The following LAT2 variants were observed in gnomAD, a reference collection of about 807,000 sequenced individuals.
LAT2 encodes the protein linker for activation of T-cells family member 2.
LAT2 carries 23 observed loss-of-function variants against 43.4 expected under a neutral mutation model. That is an observed-to-expected ratio of 0.53 (90% confidence interval 0.38 to 0.75). The LOEUF (loss-of-function observed/expected upper bound fraction) is 0.75. LAT2 is among the 30% of genes least tolerant of loss of function. The pLI is 0.00. For missense variants in LAT2, 284 were observed against 310.2 expected, an observed-to-expected ratio of 0.92 and a Z score of 0.64; for synonymous variants, 128 against 123.2, an observed-to-expected ratio of 1.04 and a Z score of -0.26.
intron 1 of LAT2, among the ~76,000 whole-genome samples, chr7:74,214,266 GAA>G (rs1422246905): frequency 1.9e-5 from 1 of 52,256 alleles, no homozygotes; most frequent in African/African-American, 8.4e-5. Flanking sequence ...ATATATATAT[GAA>G]AATATATATA....
intron 13 of LAT2, among the ~76,000 whole-genome samples, chr7:74,226,871 C>CA (rs1388675042): frequency 6.6e-6 from 1 of 151,958 alleles, no homozygotes; most frequent in Admixed American, 6.6e-5. Context: ...GAGGGGACAA[C>CA]AGAGGCCCCA....
intron 1 of LAT2, among the ~76,000 whole-genome samples, chr7:74,213,624 C>T (rs1801815345): frequency 1.3e-5 from 2 of 151,940 alleles, no homozygotes; most frequent in South Asian, 2.1e-4. Context: ...GGGGTTTCAC[C>T]ATGTTGGTCA....
In LAT2 at chr7:74,219,955, T is replaced by C. The variant is rs781945877; in HGVS notation, c.179-5T>C. 7 of 1,613,558 alleles carry C rather than the reference T, an allele frequency of 4.3e-6. No homozygotes were observed. The highest frequency in any genetic ancestry group is 5.9e-6 in the Non-Finnish European group (7 of 1,179,986). On this transcript the variant is annotated splice_region_variant and splice_polypyrimidine_tract_variant and intron_variant, in intron 5 of 13. Transcript: ENST00000460943. ...AGCCAACACCCCACTTCTTGCCCTT[T>C]GTAGTGGTCGGGCAGGCATGGCCAG...
Position 74,214,886 on chromosome 7 carries a change from C to T in LAT2, c.-154C>T, listed in dbSNP as rs1189651313. On this transcript the variant is annotated 5_prime_UTR_variant, in exon 2 of 14. Coordinates refer to ENST00000460943, the MANE Select transcript of LAT2 (RefSeq NM_032464.3). ...TCTTGATCTCAAGCGATCCTCCCTG[C>T]CTCGGCCTCCCAACGTGCTGGGATT... 22 of 143,316 alleles carry T rather than the reference C, an allele frequency of 1.5e-4. No individual in the cohort carries two copies. The highest frequency in any genetic ancestry group is 2.5e-4 in the Non-Finnish European group (17 of 66,914). The allele number at this position is 143,316 out of a possible 1,614,324, so 8.9% of individuals were successfully genotyped here.
intron 1 of LAT2, among the ~76,000 whole-genome samples, chr7:74,214,112 G>GAAAATATATATATAAATATATATAT (rs1801849458): frequency 2.4e-5 from 2 of 84,706 alleles, no homozygotes; most frequent in African/African-American, 1.1e-4. Flanking sequence ...ATATATATAT[G>GAAAATATATATATAAATATATATAT]AAAATATATA....
At chr7:74,227,534 G>A (rs1016851988) in intron 13 of LAT2, among the ~76,000 whole-genome samples, 11 of 152,058 alleles carry the variant, frequency 7.2e-5, no homozygotes, top group Admixed American at 1.3e-4. Context: ...GGAAGGTTTT[G>A]TACAAAGACT....
chr7:74,220,428 GA>G lies in LAT2; in HGVS notation c.266-155del. ...GCTCCTGGAATCGGCCTGGCAGGGG[GA>G]GGGTGCACACTCGCACATGCCCCAC... On this transcript the variant is annotated intron_variant, in intron 7 of 13. Coordinates refer to ENST00000460943, the MANE Select transcript of LAT2 (RefSeq NM_032464.3). The surrounding 1 kb of genome is among the most constrained non-coding windows in gnomAD (Gnocchi z 4.5). 1 of 1,216,496 alleles carries G rather than the reference GA, an allele frequency of 8.2e-7. No individual in the cohort carries two copies. Among genetic ancestry groups the G allele is most frequent in the Non-Finnish European group, 1.2e-6 (1 of 845,294 alleles). The allele number at this position is 1,216,496 out of a possible 1,614,324, so 75.4% of individuals were successfully genotyped here.
chr7:74,212,488 GC>G, intron 1 of LAT2, among the ~76,000 whole-genome samples: 1 of 151,970 alleles, frequency 6.6e-6, no homozygotes, highest in East Asian at 1.9e-4. Flanking sequence ...CACCATGTTG[GC>G]CAAGCTGGTC....
At position 74,223,782 on chromosome 7, in the gene LAT2, A is replaced by G. The variant is rs1802381508; in HGVS notation, c.447A>G (p.Thr149=). 6.2e-7 allele frequency: 1 copy of G among 1,613,706 alleles called. No homozygotes were observed. Among genetic ancestry groups the G allele is most frequent in the Non-Finnish European group, 8.5e-7 (1 of 1,179,916 alleles). The change falls in exon 11 of 14, where the codon ACA becomes ACG. Residue 149 remains threonine, a splice_region_variant and synonymous_variant. Transcript: ENST00000460943. ...TTTGCAAGCAGAAAACCACAGAGAC[A>G]GGTGAGGCTGCCCAGCCAGAGGCAG... ...VLICKQKTTE[T]GAQQEGIGGL...
chr7:74,222,230 C>CAAAAAAAAA (rs113312443), intron 10 of LAT2, among the ~76,000 whole-genome samples: 27 of 65,396 alleles, frequency 4.1e-4, no homozygotes, highest in East Asian at 1.5e-3. Context: ...TACAAAAATA[C>CAAAAAAAAA]AAAAAAAAAA....
intron 4 of LAT2, among the ~76,000 whole-genome samples, chr7:74,218,628 C>A (rs895836661): frequency 2.6e-5 from 4 of 152,194 alleles, no homozygotes; most frequent in African/African-American, 9.7e-5. Flanking sequence ...TGGCTTGAAT[C>A]TCATAGACCA....
chr7:74,220,684 A>G lies in LAT2; in HGVS notation c.302-20A>G. The stretch of plus-strand genomic sequence containing the variant: ...GGCCACACCCAGGGGCTCAGGCCCA[A>G]TTCTCGCCTCCTCCCGCAGGAAGCA... On this transcript the variant is annotated intron_variant, in intron 8 of 13. Transcript: ENST00000460943. The surrounding 1 kb of genome is among the most constrained non-coding windows in gnomAD (Gnocchi z 4.5). The G allele has an allele frequency of 6.2e-7, 1 of 1,611,560 alleles. No individual in the cohort carries two copies. The highest frequency in any genetic ancestry group is 8.5e-7 in the Non-Finnish European group (1 of 1,178,032).
In LAT2 at chr7:74,220,802, C is replaced by A; in HGVS notation, c.332+68C>A. 3.0e-6 allele frequency: 4 copies of A among 1,355,180 alleles called. No individual in the cohort carries two copies. Among genetic ancestry groups the A allele is most frequent in the Admixed American group, 2.4e-5 (1 of 42,184 alleles). 83.9% of individuals were successfully genotyped at this position (1,355,180 alleles called of 1,614,324 possible). On this transcript the variant is annotated intron_variant, in intron 9 of 13. Coordinates refer to ENST00000460943, the MANE Select transcript of LAT2 (RefSeq NM_032464.3). The surrounding 1 kb of genome is among the most constrained non-coding windows in gnomAD (Gnocchi z 4.5). ...CTGCCCCACCTCTCCCCCTGCCCCACCTCTCCCCCTGCCCCACCTGCCTGC... is the reference window on the plus strand; with the variant it reads ...CTGCCCCACCTCTCCCCCTGCCCCAACTCTCCCCCTGCCCCACCTGCCTGC...
At chr7:74,217,943 G>A (rs1356748442) in intron 4 of LAT2, among the ~76,000 whole-genome samples, 1 of 152,142 alleles carries the variant, frequency 6.6e-6, no homozygotes, top group Non-Finnish European at 1.5e-5. Flanking sequence ...GTGGGCCAGG[G>A]TTAGACCTTT....
chr7:74,212,734 G>A (rs1412635382), intron 1 of LAT2, among the ~76,000 whole-genome samples: 1 of 152,216 alleles, frequency 6.6e-6, no homozygotes, highest in Non-Finnish European at 1.5e-5. Context: ...CCGGGTTGGG[G>A]GCACTGAGGC....
chr7:74,224,775 C>A lies in LAT2; in HGVS notation c.*18+15C>A. On this transcript the variant is annotated intron_variant, in intron 13 of 13. Coordinates refer to ENST00000460943, the MANE Select transcript of LAT2 (RefSeq NM_032464.3). ...CAAGAAGAAAGGTACAGCCCCTGCTCTCCAGCTGCCGTGGGCCAAGGATTG... is the reference window on the plus strand; with the variant it reads ...CAAGAAGAAAGGTACAGCCCCTGCTATCCAGCTGCCGTGGGCCAAGGATTG... 6.7e-7 allele frequency: 1 copy of A among 1,498,020 alleles called. No homozygotes were observed. Among genetic ancestry groups the A allele is most frequent in the Non-Finnish European group, 9.0e-7 (1 of 1,111,400 alleles). 92.8% of individuals were successfully genotyped at this position (1,498,020 alleles called of 1,614,324 possible).
At position 74,220,676 on chromosome 7, in the gene LAT2, C is replaced by G; in HGVS notation, c.302-28C>G. The stretch of plus-strand genomic sequence containing the variant: ...ATGGTGGGGGCCACACCCAGGGGCT[C>G]AGGCCCAATTCTCGCCTCCTCCCGC... On this transcript the variant is annotated intron_variant, in intron 8 of 13. Coordinates refer to ENST00000460943, the MANE Select transcript of LAT2 (RefSeq NM_032464.3). The surrounding 1 kb of genome is among the most constrained non-coding windows in gnomAD (Gnocchi z 4.5). 6.2e-7 allele frequency: 1 copy of G among 1,613,040 alleles called. No individual in the cohort carries two copies. The highest frequency in any genetic ancestry group is 1.7e-4 in the Middle Eastern group (1 of 6,052).
intron 1 of LAT2, among the ~76,000 whole-genome samples, chr7:74,210,703 T>C (rs1365873709): frequency 1.3e-5 from 2 of 152,026 alleles, no homozygotes; most frequent in Non-Finnish European, 2.9e-5. Flanking sequence ...ATCCCAGCAT[T>C]TGGGGAGGCC....
chr7:74,214,748 A>AATAT (rs538452311), intron 1 of LAT2, 74 bp from the exon 2 acceptor site: 1 of 81,358 alleles, frequency 1.2e-5, no homozygotes, highest in Non-Finnish European at 2.1e-5. Flanking sequence ...AAAATATATA[A>AATAT]ATATATATAT....
Sources: allele counts gnomAD v4.1 joint callset (sites outside exome capture counted in the v4.1 genomes callset), GRCh38; gene constraint gnomAD v4.1.1; non-coding constraint Gnocchi (gnomAD v3.1); transcripts MANE v1.5; gene names NCBI Gene and HGNC (gene_info 2026-07-23, HGNC 2026-07-21).